The following LINGO2 variants were observed in gnomAD, a reference collection of about 807,000 sequenced individuals.
The protein encoded by LINGO2 is leucine rich repeat and Ig domain containing 2, also known as leucine-rich repeat and immunoglobulin-like domain-containing nogo receptor-interacting protein 2.
LINGO2 carries 14 observed loss-of-function variants against 30.6 expected under a neutral mutation model. The ratio of observed to expected loss-of-function variants is 0.46; its 90% CI spans 0.30 to 0.72. LINGO2 has a LOEUF of 0.72. LINGO2 is among the 30% of genes least tolerant of loss of function. The probability of loss-of-function intolerance (pLI) is 0.07; values close to 1 mark genes in which losing one functional copy is unlikely to be tolerated. For synonymous variants in LINGO2, 317 were observed against 288.5 expected (o/e 1.10, Z -1.00); for missense variants, 729 against 751.7 (o/e 0.97, Z 0.35).
At chr9:28,003,314 T>G in intron 5 of LINGO2, among the ~76,000 whole-genome samples, 1 of 151,478 alleles carries the variant, frequency 6.6e-6, no homozygotes, top group South Asian at 2.1e-4. Flanking sequence ...TTTTATTAGT[T>G]TTTGTTAACC....
At chr9:28,885,352 T>TACACACACACACAC in the LINGO2 span, among the ~76,000 whole-genome samples, 10 of 17,952 alleles carry the variant, frequency 5.6e-4, no homozygotes, top group South Asian at 2.4e-3. Flanking sequence ...CAGGGAGATA[T>TACACACACACACAC]ATATATATAC....
At chr9:28,057,538 CACATATGTATATAAGTATATATATAT>C (rs1473822861) in intron 4 of LINGO2, among the ~76,000 whole-genome samples, 1 of 93,252 alleles carries the variant, frequency 1.1e-5, no homozygotes, top group Non-Finnish European at 2.5e-5. Context: ...TATACACACA[CACATATGTATATAAGTATATATATAT>C]ACATATATAT....
At chr9:28,731,916 T>C in the LINGO2 span, among the ~76,000 whole-genome samples, 2 of 152,238 alleles carry the variant, frequency 1.3e-5, no homozygotes, top group East Asian at 3.9e-4. Flanking sequence ...GATAAAGAGA[T>C]AAATATACAG....
chr9:28,994,658 T>A, the LINGO2 span, among the ~76,000 whole-genome samples: 1 of 151,656 alleles, frequency 6.6e-6, no homozygotes, highest in Non-Finnish European at 1.5e-5. Flanking sequence ...ATGGTACTGG[T>A]ACCAAAACAG....
At chr9:28,491,910 C>T (rs1043019723) in intron 1 of LINGO2, among the ~76,000 whole-genome samples, 1 of 152,122 alleles carries the variant, frequency 6.6e-6, no homozygotes, top group South Asian at 2.1e-4. Flanking sequence ...AGGTTCCTGA[C>T]TGCTAAAGCA....
At chr9:29,152,843 C>T in the LINGO2 span, among the ~76,000 whole-genome samples, 1 of 152,016 alleles carries the variant, frequency 6.6e-6, no homozygotes, top group Non-Finnish European at 1.5e-5. Context: ...AAAATACTAG[C>T]TTCCGGGTAT....
At chr9:28,265,767 A>G (rs1215820604) in intron 4 of LINGO2, among the ~76,000 whole-genome samples, 1 of 152,000 alleles carries the variant, frequency 6.6e-6, no homozygotes, top group Non-Finnish European at 1.5e-5. Flanking sequence ...TTTCTAACAC[A>G]ATGTTTTAAA....
At chr9:28,292,040 T>C (rs1823749522) in intron 4 of LINGO2, among the ~76,000 whole-genome samples, 1 of 152,196 alleles carries the variant, frequency 6.6e-6, no homozygotes, top group Non-Finnish European at 1.5e-5. Context: ...AAGAAAGACC[T>C]GTCAATCTAG....
chr9:28,843,590 G>C, the LINGO2 span, among the ~76,000 whole-genome samples: 3 of 151,808 alleles, frequency 2.0e-5, no homozygotes, highest in South Asian at 6.2e-4. Flanking sequence ...AAAGAAAATA[G>C]AGAGACTCCA....
intron 4 of LINGO2, among the ~76,000 whole-genome samples, chr9:28,109,998 T>C (rs1826725462): frequency 6.6e-6 from 1 of 152,090 alleles, no homozygotes; most frequent in African/African-American, 2.4e-5. Context: ...CAAACTATAC[T>C]ACAAGACTAC....
chr9:28,836,125 G>A, the LINGO2 span, among the ~76,000 whole-genome samples: 5 of 152,144 alleles, frequency 3.3e-5, no homozygotes, highest in African/African-American at 4.8e-5. Flanking sequence ...TGGCAGAAAC[G>A]ATCCAAACTG....
the LINGO2 span, among the ~76,000 whole-genome samples, chr9:28,679,213 A>T: frequency 1.3e-5 from 2 of 152,082 alleles, no homozygotes; most frequent in African/African-American, 4.8e-5. Flanking sequence ...TTCAGAAAAA[A>T]AATTCTAATA....
chr9:29,133,601 A>T, the LINGO2 span, among the ~76,000 whole-genome samples: 1 of 151,992 alleles, frequency 6.6e-6, no homozygotes, highest in Non-Finnish European at 1.5e-5. Flanking sequence ...ATTTTTTTTA[A>T]AATGCAAAAT....
intron 4 of LINGO2, among the ~76,000 whole-genome samples, chr9:28,277,000 T>C (rs542431060): frequency 6.6e-5 from 10 of 152,312 alleles, no homozygotes; most frequent in South Asian, 2.1e-4. Flanking sequence ...GGCTTAGTTA[T>C]TGGGTCATGT....
chr9:27,970,623 A>G (rs921362345), intron 5 of LINGO2, among the ~76,000 whole-genome samples: 1 of 152,088 alleles, frequency 6.6e-6, no homozygotes, highest in Non-Finnish European at 1.5e-5. Flanking sequence ...ATGCTTATGA[A>G]GTCTATTAAC....
chr9:28,521,467 T>C lies in LINGO2; in HGVS notation c.-364-45442A>G, dbSNP rs10968636. Among the ~76,000 whole-genome samples the C allele has an allele frequency of 0.01, 1,534 of 152,232 alleles. 45 individuals are homozygous for C. The East Asian group carries it at 0.1, about 10-fold the overall frequency. On this transcript the variant is annotated intron_variant, in intron 1 of 5. Coordinates refer to ENST00000379992, the Ensembl canonical transcript of LINGO2. ...GTAAGCCATTCACCAATATTGTGCA[T>C]GATGTGTCCAAATCTGAGGAAAAGA... is the stretch of plus-strand genomic sequence containing the variant.
chr9:28,279,998 G>A (rs1179106975), intron 4 of LINGO2, among the ~76,000 whole-genome samples: 1 of 152,000 alleles, frequency 6.6e-6, no homozygotes, highest in Non-Finnish European at 1.5e-5. Context: ...TAGGACAGTC[G>A]AAGGAGTATG....
chr9:28,509,496 T>G (rs1341615516), intron 1 of LINGO2, among the ~76,000 whole-genome samples: 7 of 152,206 alleles, frequency 4.6e-5, no homozygotes, highest in African/African-American at 1.7e-4. Flanking sequence ...AGAATACTTT[T>G]GAGAAAACAT....
At chr9:28,579,667 G>A (rs1824163773) in intron 1 of LINGO2, among the ~76,000 whole-genome samples, 1 of 152,078 alleles carries the variant, frequency 6.6e-6, no homozygotes, top group African/African-American at 2.4e-5. Context: ...GCCAAACTGA[G>A]AGGCAATATA....
Sources: gnomAD v4.1 joint callset for allele counts (sites outside exome capture counted in the v4.1 genomes callset) on GRCh38, gnomAD v4.1.1 for gene constraint, MANE v1.5 for transcripts, NCBI Gene and HGNC (gene_info 2026-07-23, HGNC 2026-07-21) for gene names.